The following HTR4 variants were observed in gnomAD, a reference collection of about 807,000 sequenced individuals.
The protein encoded by HTR4 is 5-hydroxytryptamine (serotonin) receptor 4, G protein-coupled.
In HTR4, 16 loss-of-function variants were observed where a neutral mutation model predicts 36.8. The observed-to-expected ratio is 0.43, with a 90% CI of 0.29 to 0.66. The LOEUF (loss-of-function observed/expected upper bound fraction) is 0.66. Among genes scored for constraint, HTR4 ranks in the 30% least tolerant of loss-of-function variants. The pLI is 0.13. For missense variants in HTR4, 438 were observed against 490.9 expected, an observed-to-expected ratio of 0.89 and a Z score of 1.02; for synonymous variants, 189 against 185.1, an observed-to-expected ratio of 1.02 and a Z score of -0.17.
chr5:148,614,973 A>T (rs1752601687), intron 2 of HTR4, among the ~76,000 whole-genome samples: 1 of 152,186 alleles, frequency 6.6e-6, no homozygotes, highest in Non-Finnish European at 1.5e-5. Context: ...AATCAAAACC[A>T]CAATGAGATA....
At chr5:148,474,640 A>G (rs911971773), downstream of HTR4, among the ~76,000 whole-genome samples, 8 of 152,176 alleles carry the variant, frequency 5.3e-5, no homozygotes, top group African/African-American at 1.9e-4. Context: ...ATTGTAAAAT[A>G]TCTTCTAATT....
At chr5:148,551,012 C>A (rs536012174) in intron 2 of HTR4, among the ~76,000 whole-genome samples, 25 of 152,224 alleles carry the variant, frequency 1.6e-4, no homozygotes, top group African/African-American at 5.3e-4. Flanking sequence ...GCTTCCTTGC[C>A]GATCAACTTA....
chr5:148,466,658 G>C (rs539622034), intron 5 of HTR4, among the ~76,000 whole-genome samples: 1 of 152,312 alleles, frequency 6.6e-6, no homozygotes, highest in East Asian at 1.9e-4. Flanking sequence ...TCTACACATA[G>C]AGACATTACC....
chr5:148,527,695 A>G (rs2113805586), intron 4 of HTR4, among the ~76,000 whole-genome samples: 1 of 152,058 alleles, frequency 6.6e-6, no homozygotes, highest in East Asian at 1.9e-4. Context: ...GCTCACTGCA[A>G]CCTCCGCCTC....
At position 148,526,294 on chromosome 5, in the gene HTR4, T is replaced by G. The variant is rs540694308; in HGVS notation, c.354-2948A>C. Among the ~76,000 whole-genome samples the G allele has an allele frequency of 2.1e-4, 32 of 152,324 alleles. 1 individual carries two copies. Among genetic ancestry groups the G allele is most frequent in the Admixed American group, 2.0e-3 (30 of 15,300 alleles). ...AAAACTGGCTTGAATGCCAGATATA[T>G]CTTTCATAGTATACTTAAGTAAGAA... On this transcript the variant is annotated intron_variant, in intron 4 of 6. Coordinates refer to ENST00000377888, the MANE Select transcript of HTR4 (RefSeq NM_000870.7).
intron 2 of HTR4, among the ~76,000 whole-genome samples, chr5:148,580,449 G>A (rs563423513): frequency 1.3e-5 from 2 of 151,974 alleles, no homozygotes; most frequent in African/African-American, 2.4e-5. Context: ...TAAGTGCACT[G>A]TATCTTATTG....
At chr5:148,551,691 G>A (rs1759700797) in intron 2 of HTR4, among the ~76,000 whole-genome samples, 1 of 152,176 alleles carries the variant, frequency 6.6e-6, no homozygotes, top group Non-Finnish European at 1.5e-5. Flanking sequence ...CACATTGGAA[G>A]AAGAATTGTC....
At chr5:148,572,612 TCA>T (rs950433243) in intron 2 of HTR4, among the ~76,000 whole-genome samples, 96 of 152,252 alleles carry the variant, frequency 6.3e-4, no homozygotes, top group African/African-American at 2.3e-3. Flanking sequence ...CTGTACTTCC[TCA>T]GTTACTCACT....
chr5:148,510,863 G>T (rs1757464046), intron 5 of HTR4, among the ~76,000 whole-genome samples: 1 of 152,186 alleles, frequency 6.6e-6, no homozygotes, highest in South Asian at 2.1e-4. Context: ...ACAGCCAAGA[G>T]GGGCCTTAGG....
At chr5:148,568,576 A>AC (rs1171737292) in intron 2 of HTR4, among the ~76,000 whole-genome samples, 1 of 152,118 alleles carries the variant, frequency 6.6e-6, no homozygotes, top group African/African-American at 2.4e-5. Context: ...AAAGACACAC[A>AC]CATTTATAAG....
chr5:148,524,216 C>T (rs893578998), intron 4 of HTR4, among the ~76,000 whole-genome samples: 2 of 152,120 alleles, frequency 1.3e-5, no homozygotes, highest in South Asian at 2.1e-4. Flanking sequence ...CTTCCAAACA[C>T]GTACACTTCT....
intron 1 of HTR4, among the ~76,000 whole-genome samples, chr5:148,653,225 C>T (rs1229815101): frequency 6.6e-6 from 1 of 152,180 alleles, no homozygotes; most frequent in Non-Finnish European, 1.5e-5. Flanking sequence ...TCATGCCAAA[C>T]CTATACCCTA....
At chr5:148,583,875 A>G (rs1198715321) in intron 2 of HTR4, among the ~76,000 whole-genome samples, 1 of 152,124 alleles carries the variant, frequency 6.6e-6, no homozygotes, top group African/African-American at 2.4e-5. Flanking sequence ...CCTGGAACTG[A>G]CAACACCAGA....
At chr5:148,527,774 C>G (rs1030578877) in intron 4 of HTR4, among the ~76,000 whole-genome samples, 34 of 152,120 alleles carry the variant, frequency 2.2e-4, no homozygotes, top group Admixed American at 1.9e-3. Context: ...CCACCACACC[C>G]AGCTAATTTT....
chr5:148,471,305 C>T (rs1258556179), intron 5 of HTR4, among the ~76,000 whole-genome samples: 1 of 152,222 alleles, frequency 6.6e-6, no homozygotes, highest in Non-Finnish European at 1.5e-5. Flanking sequence ...ATGCCTGACA[C>T]ATAGCAGGCA....
At chr5:148,586,021 C>T (rs183679623) in intron 2 of HTR4, among the ~76,000 whole-genome samples, 46 of 152,254 alleles carry the variant, frequency 3.0e-4, no homozygotes, top group African/African-American at 8.7e-4. Context: ...TTTTGACTGT[C>T]CCTTAAAATG....
At chr5:148,647,764 G>A (rs936877816) in intron 1 of HTR4, among the ~76,000 whole-genome samples, 8 of 152,192 alleles carry the variant, frequency 5.3e-5, no homozygotes, top group African/African-American at 9.7e-5. Flanking sequence ...CAGAAGAATC[G>A]CTTGAACCCC....
chr5:148,567,211 T>C (rs1398780631), intron 2 of HTR4, among the ~76,000 whole-genome samples: 1 of 152,186 alleles, frequency 6.6e-6, no homozygotes, highest in Non-Finnish European at 1.5e-5. Context: ...TTCAATAATT[T>C]TTTTTAAACA....
intron 2 of HTR4, among the ~76,000 whole-genome samples, chr5:148,612,011 C>T (rs1177164978): frequency 6.6e-6 from 1 of 152,090 alleles, no homozygotes; most frequent in Non-Finnish European, 1.5e-5. Context: ...AATACAGGAG[C>T]ACCCAGATTC....
Sources: allele counts gnomAD v4.1 joint callset (sites outside exome capture counted in the v4.1 genomes callset), GRCh38; gene constraint gnomAD v4.1.1; transcripts MANE v1.5; gene names NCBI Gene and HGNC (gene_info 2026-07-23, HGNC 2026-07-21).